ANKFN1: variants seen among roughly 807,000 people sequenced by gnomAD.
ANKFN1 encodes ankyrin repeat and fibronectin type III domain containing 1.
ANKFN1 carries 74 observed loss-of-function variants against 108.7 expected under a neutral mutation model. The ratio of observed to expected loss-of-function variants is 0.68; its 90% CI spans 0.56 to 0.83. The LOEUF (loss-of-function observed/expected upper bound fraction) is 0.83. ANKFN1 is among the 40% of genes least tolerant of loss of function. The pLI is 0.00. For synonymous variants in ANKFN1, 547 were observed against 516.2 expected (o/e 1.06, Z -0.81); for missense variants, 1,505 against 1,382.3 (o/e 1.09, Z -1.41).
At chr17:56,420,876 T>A (rs573012355) in intron 8 of ANKFN1, among the ~76,000 whole-genome samples, 2 of 151,912 alleles carry the variant, frequency 1.3e-5, no homozygotes, top group Non-Finnish European at 2.9e-5. Flanking sequence ...CCCGGCTAAT[T>A]TTTTTGTATT....
At position 56,511,478 on chromosome 17, in the gene ANKFN1, G is replaced by A. The variant is rs1276325503; in HGVS notation, c.*209G>A. On this transcript the variant is annotated 3_prime_UTR_variant, in exon 21 of 21. Coordinates refer to ENST00000682825, the MANE Select transcript of ANKFN1 (RefSeq NM_001370326.1). The stretch of plus-strand genomic sequence containing the variant: ...CCAGTGCCATTCCCACTTCAGCCTA[G>A]AAAGGGCATGGGGGAGTTGTGTCAA... 5.1e-6 allele frequency: 3 copies of A among 586,926 alleles called. No individual in the cohort carries two copies. In the Admixed American group the frequency reaches 9.7e-5, roughly 19 times the overall value. 36.4% of individuals were successfully genotyped at this position (586,926 alleles called of 1,614,324 possible).
chr17:56,101,460 G>T (rs1197361318), intron 4 of ANKFN1, among the ~76,000 whole-genome samples: 2 of 152,200 alleles, frequency 1.3e-5, no homozygotes, highest in Admixed American at 1.3e-4. Context: ...AGGTCCCCTA[G>T]GATTACTAGG....
chr17:56,077,626 C>A (rs1260945573), intron 4 of ANKFN1, among the ~76,000 whole-genome samples: 1 of 152,220 alleles, frequency 6.6e-6, no homozygotes, highest in Admixed American at 6.5e-5. Context: ...AGTCTTTACT[C>A]CCCTTCTCTG....
intron 8 of ANKFN1, among the ~76,000 whole-genome samples, chr17:56,403,122 G>T (rs976986181): frequency 2.0e-5 from 3 of 152,130 alleles, no homozygotes; most frequent in Admixed American, 1.3e-4. Flanking sequence ...CTATAATATG[G>T]TCTATCTTGG....
chr17:56,273,214 C>A (rs886261936), intron 3 of ANKFN1, among the ~76,000 whole-genome samples: 5 of 152,084 alleles, frequency 3.3e-5, no homozygotes, highest in Non-Finnish European at 5.9e-5. Flanking sequence ...CCTTCAGTAT[C>A]CCTTTTTCAT....
chr17:56,076,826 A>C (rs1395412510), intron 4 of ANKFN1, among the ~76,000 whole-genome samples: 1 of 152,150 alleles, frequency 6.6e-6, no homozygotes, highest in Non-Finnish European at 1.5e-5. Flanking sequence ...AAAAAACTAA[A>C]ATATTTTTGA....
At chr17:56,502,282 C>T (rs1301389509) in intron 20 of ANKFN1, among the ~76,000 whole-genome samples, 7 of 152,158 alleles carry the variant, frequency 4.6e-5, no homozygotes, top group African/African-American at 1.7e-4. Context: ...GGGTGGCCTT[C>T]TCTATGCCAC....
intron 8 of ANKFN1, among the ~76,000 whole-genome samples, chr17:56,392,478 A>G (rs2047469298): frequency 6.6e-6 from 1 of 152,150 alleles, no homozygotes; most frequent in Admixed American, 6.5e-5. Context: ...GCTACACACA[A>G]GGGATGCACT....
chr17:56,226,445 G>A (rs1319925083), intron 2 of ANKFN1, among the ~76,000 whole-genome samples: 11 of 152,102 alleles, frequency 7.2e-5, no homozygotes, highest in Admixed American at 7.2e-4. Flanking sequence ...AGTAAATGAG[G>A]AATTAGGTGG....
chr17:56,170,620 A>C (rs1910564752), intron 1 of ANKFN1, among the ~76,000 whole-genome samples: 1 of 150,778 alleles, frequency 6.6e-6, no homozygotes, highest in Non-Finnish European at 1.5e-5. Context: ...AAAATTAGCC[A>C]TGCATGGTGG....
rs144987097 is a variant in ANKFN1 at position 56,203,879 on chromosome 17, TA to T, written c.-70-8718del. 3.8e-3 allele frequency among the ~76,000 whole-genome samples: 584 copies of T among 152,268 alleles called. 5 individuals are homozygous for T. The highest frequency in any genetic ancestry group is 0.014 in the African/African-American group (562 of 41,560). ...GGCATCTATTTTTATTAAAAAAAGA[TA>T]TAACTAGCAAAGGAAGCTCGTAGTG... is the stretch of plus-strand genomic sequence containing the variant. On this transcript the variant is annotated intron_variant, in intron 1 of 20. Transcript: ENST00000682825.
chr17:56,156,336 C>T (rs1015229598), intron 1 of ANKFN1, among the ~76,000 whole-genome samples: 2 of 152,172 alleles, frequency 1.3e-5, no homozygotes, highest in Admixed American at 6.5e-5. Flanking sequence ...GGTCCACCCA[C>T]CTTGGCCTCC....
chr17:56,314,147 T>C (rs768619934), intron 3 of ANKFN1, among the ~76,000 whole-genome samples: 150 of 152,248 alleles, frequency 9.9e-4, no homozygotes, highest in Non-Finnish European at 1.2e-3. Flanking sequence ...GTCCATAGAA[T>C]GAATATACCA....
At chr17:56,326,171 C>T (rs941784513) in intron 3 of ANKFN1, 50 bp from the exon 4 acceptor site, 1 of 1,552,896 alleles carries the variant, frequency 6.4e-7, no homozygotes, top group East Asian at 2.3e-5. Context: ...TGATCATGGA[C>T]TTCGGCTCTT....
In ANKFN1 at chr17:56,091,094, A is replaced by G. The variant is rs537415024; in HGVS notation, c.288+44769A>G. On this transcript the variant is annotated intron_variant, in intron 4 of 12. Transcript: ENST00000635860. ...TTCCTCCCAGAAGCTGGTCCAAAGC[A>G]TAAGACGTAGTAGCGCCTCAAAAAA... Among the ~76,000 whole-genome samples the G allele has an allele frequency of 2.3e-4, 35 of 151,298 alleles. 1 individual carries two copies. Among genetic ancestry groups the G allele is most frequent in the Admixed American group, 6.6e-4 (10 of 15,154 alleles).
At chr17:56,105,541 C>T (rs904158437) in intron 4 of ANKFN1, among the ~76,000 whole-genome samples, 1 of 151,848 alleles carries the variant, frequency 6.6e-6, no homozygotes, top group Non-Finnish European at 1.5e-5. Flanking sequence ...CCCTCCTTCC[C>T]TGCCTCCTGA....
chr17:56,326,573 G>A (rs1240741246), intron 4 of ANKFN1, among the ~76,000 whole-genome samples: 1 of 152,184 alleles, frequency 6.6e-6, no homozygotes. Flanking sequence ...GAGAGAGGAT[G>A]GGGGTAGGGA....
chr17:56,266,513 A>C (rs2144150537), intron 3 of ANKFN1, among the ~76,000 whole-genome samples: 1 of 152,334 alleles, frequency 6.6e-6, no homozygotes, highest in South Asian at 2.1e-4. Context: ...TTAACTTGTT[A>C]AATGTCCCTC....
chr17:56,303,452 C>T (rs537213025), intron 3 of ANKFN1, among the ~76,000 whole-genome samples: 7 of 152,226 alleles, frequency 4.6e-5, no homozygotes, highest in African/African-American at 1.7e-4. Context: ...TGTTGCCATC[C>T]AAGCTGACGA....
Sources: gnomAD v4.1 joint callset for allele counts (sites outside exome capture counted in the v4.1 genomes callset) on GRCh38, gnomAD v4.1.1 for gene constraint, MANE v1.5 for transcripts, NCBI Gene and HGNC (gene_info 2026-07-23, HGNC 2026-07-21) for gene names.